The following NELL2 variants were observed in gnomAD, a reference collection of about 807,000 sequenced individuals.
NELL2 encodes protein kinase C-binding protein NELL2.
In NELL2, 41 loss-of-function variants were observed where a neutral mutation model predicts 109.6. That is an observed-to-expected ratio of 0.37 (90% confidence interval 0.29 to 0.49). NELL2 has a LOEUF of 0.49. Ranked by LOEUF, NELL2 falls within the 20% of genes least tolerant of loss-of-function variation. NELL2 has a pLI of 0.98. For missense variants in NELL2, 900 were observed against 1,008.3 expected, an observed-to-expected ratio of 0.89 and a Z score of 1.45; for synonymous variants, 355 against 344.7, an observed-to-expected ratio of 1.03 and a Z score of -0.33.
upstream of NELL2, among the ~76,000 whole-genome samples, chr12:44,880,469 G>T (rs1377051712): frequency 6.6e-6 from 1 of 151,886 alleles, no homozygotes; most frequent in Non-Finnish European, 1.5e-5. Flanking sequence ...CTGAGAATGT[G>T]CCAAGACCGA....
At chr12:44,831,564 C>G (rs981158691) in intron 2 of NELL2, among the ~76,000 whole-genome samples, 1 of 152,154 alleles carries the variant, frequency 6.6e-6, no homozygotes, top group Non-Finnish European at 1.5e-5. Context: ...CTACTTTTAT[C>G]AGGGCACACA....
intron 12 of NELL2, among the ~76,000 whole-genome samples, chr12:44,695,318 A>C (rs892122937): frequency 9.9e-5 from 15 of 151,930 alleles, no homozygotes; most frequent in Non-Finnish European, 1.9e-4. Flanking sequence ...AAGAAGCAGC[A>C]TTCAATTTTT....
chr12:44,709,403 T>C (rs1161583290), intron 11 of NELL2, among the ~76,000 whole-genome samples: 1 of 152,130 alleles, frequency 6.6e-6, no homozygotes, highest in African/African-American at 2.4e-5. Flanking sequence ...GGCTCAGCCT[T>C]CTAACCATCC....
At chr12:44,726,976 TA>T (rs1939115021) in intron 9 of NELL2, among the ~76,000 whole-genome samples, 1 of 152,152 alleles carries the variant, frequency 6.6e-6, no homozygotes, top group South Asian at 2.1e-4. Context: ...AGAGCCAATG[TA>T]AACTGTCAAT....
intron 14 of NELL2, among the ~76,000 whole-genome samples, chr12:44,610,089 A>G (rs1250716954): frequency 3.9e-5 from 6 of 152,026 alleles, no homozygotes; most frequent in African/African-American, 1.4e-4. Context: ...TTGTCTACTG[A>G]TGGAAAAAGA....
At position 44,522,106 on chromosome 12, in the gene NELL2, G is replaced by A. The variant is rs764807167; in HGVS notation, c.2069C>T (p.Pro690Leu). ...ACTACTAAGCCTTGGGTCACATTCA[G>A]GGCAGCAAAAAAGATCAACTGTGGG... ...ENPTVDLFCCPECDPRLSSQC... is the reference protein window; with the variant it reads ...ENPTVDLFCCLECDPRLSSQC... Residue 690 changes from proline (P) to leucine (L), a missense_variant, in exon 18 of 20, where the codon CCT (proline) becomes CTT (leucine). Coordinates refer to ENST00000429094, the MANE Select transcript of NELL2 (RefSeq NM_001145108.2). 3 of 1,613,800 alleles carry A rather than the reference G, an allele frequency of 1.9e-6. No individual in the cohort carries two copies. The highest frequency in any genetic ancestry group is 1.1e-5 in the South Asian group (1 of 91,064).
At chr12:44,792,584 A>G (rs1942474947) in intron 3 of NELL2, among the ~76,000 whole-genome samples, 1 of 152,172 alleles carries the variant, frequency 6.6e-6, no homozygotes, top group Admixed American at 6.5e-5. Context: ...ACAAAATAAA[A>G]TGCATAATAC....
chr12:44,611,013 C>T (rs2305449), intron 13 of NELL2, 43 bp from the exon 14 acceptor site: 218,116 of 1,594,496 alleles, frequency 0.14, 15,940 homozygotes, highest in East Asian at 0.21. Context: ...GTTATATTTC[C>T]AAAGCTATAT....
chr12:44,743,355 T>C (rs1278431420), intron 9 of NELL2, among the ~76,000 whole-genome samples: 1 of 152,020 alleles, frequency 6.6e-6, no homozygotes, highest in South Asian at 2.1e-4. Context: ...ACATGCCAAA[T>C]TGTAAAGACC....
intron 12 of NELL2, among the ~76,000 whole-genome samples, chr12:44,686,302 A>C (rs571080763): frequency 3.7e-4 from 56 of 152,188 alleles, no homozygotes; most frequent in African/African-American, 1.3e-3. Flanking sequence ...TGGTTATTCC[A>C]GTTATACATT....
intron 1 of NELL2, among the ~76,000 whole-genome samples, chr12:44,902,458 G>T (rs1408306886): frequency 6.6e-6 from 1 of 152,142 alleles, no homozygotes; most frequent in Non-Finnish European, 1.5e-5. Context: ...AATTAATATC[G>T]TGAAAATGGC....
chr12:44,873,633 T>G (rs1230285442), intron 2 of NELL2, among the ~76,000 whole-genome samples: 2 of 152,102 alleles, frequency 1.3e-5, no homozygotes, highest in East Asian at 3.9e-4. Context: ...GAGCTTTAGA[T>G]TCCATAAAGC....
chr12:44,533,932 T>C (rs1942191467), intron 15 of NELL2, among the ~76,000 whole-genome samples: 1 of 152,108 alleles, frequency 6.6e-6, no homozygotes. Flanking sequence ...CAAGGCAGGA[T>C]GGTTCTTTCT....
intron 12 of NELL2, among the ~76,000 whole-genome samples, chr12:44,702,327 A>G (rs778459164): frequency 6.6e-6 from 1 of 152,072 alleles, no homozygotes; most frequent in African/African-American, 2.4e-5. Context: ...TCCATCATTT[A>G]CTCCACTTTA....
chr12:44,909,742 G>C (rs1031758172), intron 1 of NELL2, among the ~76,000 whole-genome samples: 1 of 144,434 alleles, frequency 6.9e-6, no homozygotes, highest in African/African-American at 2.5e-5. Context: ...CACAGACACA[G>C]ACACACACAC....
intron 12 of NELL2, among the ~76,000 whole-genome samples, chr12:44,675,029 A>C (rs115278810): frequency 1.9e-3 from 285 of 152,318 alleles, no homozygotes; most frequent in African/African-American, 6.6e-3. Flanking sequence ...TAAAAGGACA[A>C]AGGGGAAAGT....
intron 2 of NELL2, among the ~76,000 whole-genome samples, chr12:44,862,488 T>C (rs1944870877): frequency 6.6e-6 from 1 of 152,212 alleles, no homozygotes; most frequent in African/African-American, 2.4e-5. Flanking sequence ...CCAGAATTGA[T>C]TATTCTGGTG....
At chr12:44,892,254 A>G (rs1359622331) in intron 1 of NELL2, among the ~76,000 whole-genome samples, 1 of 152,222 alleles carries the variant, frequency 6.6e-6, no homozygotes, top group Non-Finnish European at 1.5e-5. Context: ...AAATGCCATC[A>G]GAGTGACAGA....
chr12:44,875,628 C>A, intron 1 of NELL2, 187 bp downstream of exon 1: 1 of 1,609,420 alleles, frequency 6.2e-7, no homozygotes, highest in African/African-American at 1.3e-5. Flanking sequence ...GGGGCGTGAT[C>A]CGCCTCGCGG....
Sources: allele counts gnomAD v4.1 joint callset (sites outside exome capture counted in the v4.1 genomes callset), GRCh38; gene constraint gnomAD v4.1.1; transcripts MANE v1.5; gene names NCBI Gene and HGNC (gene_info 2026-07-23, HGNC 2026-07-21).